TBC1D22A: variants seen among roughly 807,000 people sequenced by gnomAD.
The protein encoded by TBC1D22A is TBC1 domain family member 22A.
In TBC1D22A, 38 loss-of-function variants were observed where a neutral mutation model predicts 60.2. The ratio of observed to expected loss-of-function variants is 0.63; its 90% CI spans 0.49 to 0.83. The LOEUF (loss-of-function observed/expected upper bound fraction) is 0.83, where lower values mean the gene tolerates loss of function less well. Ranked by LOEUF, TBC1D22A falls within the 40% of genes least tolerant of loss-of-function variation. The pLI is 0.00. For synonymous variants in TBC1D22A, 302 were observed against 281.7 expected (o/e 1.07, Z -0.72); for missense variants, 628 against 701.0 (o/e 0.90, Z 1.18).
intron 12 of TBC1D22A, among the ~76,000 whole-genome samples, chr22:47,141,934 C>A (rs138461048): frequency 6.6e-6 from 1 of 152,136 alleles, no homozygotes; most frequent in African/African-American, 2.4e-5. Flanking sequence ...TGGCATGAAA[C>A]GTATTTGGAT....
chr22:46,908,799 C>G (rs1380804298), intron 7 of TBC1D22A, among the ~76,000 whole-genome samples: 1 of 152,166 alleles, frequency 6.6e-6, no homozygotes, highest in Non-Finnish European at 1.5e-5. Context: ...TGTTTGCTAA[C>G]TGAAGGCTTA....
intron 4 of TBC1D22A, among the ~76,000 whole-genome samples, chr22:46,867,097 TC>T (rs1470582960): frequency 6.6e-6 from 1 of 152,214 alleles, no homozygotes; most frequent in Admixed American, 6.5e-5. Flanking sequence ...GCCATGCATT[TC>T]CCCCCAGATG....
chr22:46,818,962 T>C (rs772524148), intron 4 of TBC1D22A, among the ~76,000 whole-genome samples: 7 of 152,208 alleles, frequency 4.6e-5, no homozygotes, highest in Non-Finnish European at 1.0e-4. Flanking sequence ...CCTTGTTAGC[T>C]GTATTCCTTG....
At chr22:47,057,880 G>T (rs919959994) in intron 11 of TBC1D22A, among the ~76,000 whole-genome samples, 1 of 152,208 alleles carries the variant, frequency 6.6e-6, no homozygotes, top group Non-Finnish European at 1.5e-5. Context: ...CCCCATGGGG[G>T]TTTATAAGGT....
chr22:46,762,706 G>T lies in TBC1D22A; in HGVS notation c.-81G>T. 1 of 1,272,114 alleles carries T rather than the reference G, an allele frequency of 7.9e-7. No homozygotes were observed. The highest frequency in any genetic ancestry group is 1.0e-6 in the Non-Finnish European group (1 of 972,468). The allele number at this position is 1,272,114 out of a possible 1,614,324, so 78.8% of individuals were successfully genotyped here. A position where few individuals can be genotyped will look rare whatever the true frequency, so the allele number is the denominator to read the frequency against. The stretch of plus-strand genomic sequence containing the variant: ...CCCGGGAGCAGTGAGGGGCCACCCG[G>T]GGCACAGGAAAGGGCCGCTAGGGGA... On this transcript the variant is annotated 5_prime_UTR_variant, in exon 1 of 13. Transcript: ENST00000337137.
intron 4 of TBC1D22A, among the ~76,000 whole-genome samples, chr22:46,815,805 G>C (rs2085569883): frequency 6.6e-6 from 1 of 152,134 alleles, no homozygotes; most frequent in Non-Finnish European, 1.5e-5. Flanking sequence ...ATGGGTGCCT[G>C]GACCTCCGTG....
At chr22:47,123,911 G>A (rs901880542) in intron 12 of TBC1D22A, among the ~76,000 whole-genome samples, 2 of 152,238 alleles carry the variant, frequency 1.3e-5, no homozygotes, top group African/African-American at 4.8e-5. Context: ...GGTTTGTGTG[G>A]CCATGTGGTA....
intron 4 of TBC1D22A, among the ~76,000 whole-genome samples, chr22:46,853,202 T>C (rs2087377360): frequency 6.6e-6 from 1 of 152,164 alleles, no homozygotes. Context: ...CGGCTCTGCC[T>C]CCCCTCGTCC....
At position 46,974,325 on chromosome 22, in the gene TBC1D22A, G is replaced by A. The variant is rs367573498; in HGVS notation, c.1051G>A (p.Val351Met). ...EEVDTVDVSG[V>M]PAEVLCNIEA... ...GGTGGACACGGTGGACGTCTCCGGCGTGCCCGCAGAGGTGCTGTGCAACAT... is the reference window on the plus strand; with the variant it reads ...GGTGGACACGGTGGACGTCTCCGGCATGCCCGCAGAGGTGCTGTGCAACAT... Residue 351 changes from valine to methionine, a missense_variant, in exon 9 of 13, where the codon GTG (valine) becomes ATG (methionine). Coordinates refer to ENST00000337137, the MANE Select transcript of TBC1D22A (RefSeq NM_014346.5). The A allele has an allele frequency of 1.4e-5, 23 of 1,605,772 alleles. No homozygotes were observed. The highest frequency in any genetic ancestry group is 5.1e-5 in the Admixed American group (3 of 58,972).
At chr22:46,877,266 T>C (rs1178482707) in intron 4 of TBC1D22A, among the ~76,000 whole-genome samples, 1 of 152,260 alleles carries the variant, frequency 6.6e-6, no homozygotes, top group Non-Finnish European at 1.5e-5. Flanking sequence ...GAAAGCTCTC[T>C]TTTAACACCA....
At position 46,984,407 on chromosome 22, in the gene TBC1D22A, G is replaced by C. The variant is rs142636327; in HGVS notation, c.1125+10008G>C. Among the ~76,000 whole-genome samples the C allele has an allele frequency of 5.6e-3, 305 of 54,634 alleles. 1 individual carries two copies. The highest frequency in any genetic ancestry group is 0.015 in the African/African-American group (289 of 18,948). The allele number at this position is 54,634 out of a possible 152,430, so 35.8% of individuals were successfully genotyped here. ...AAAAAAAAAAAAAAAAAAAAAAAAA[G>C]AGAAGTTCCAGGCTGGATGAGGCCC... On this transcript the variant is annotated intron_variant, in intron 9 of 12. Transcript: ENST00000337137.
rs916622492 is a variant in TBC1D22A, at chr22:47,008,556, G to T, written c.1201+10847G>T. Among the ~76,000 whole-genome samples, 3 of 152,370 alleles carry T rather than the reference G, an allele frequency of 2.0e-5. No homozygotes were observed. In the South Asian group the frequency reaches 6.2e-4, roughly 32 times the overall value. ...ATTTGTAAGGCAGCCTCTGTGTCCA[G>T]TGTATCTGCCCACCTGCTGTGCAGA... On this transcript the variant is annotated intron_variant, in intron 10 of 12. Transcript: ENST00000337137.
intron 10 of TBC1D22A, among the ~76,000 whole-genome samples, chr22:47,015,507 T>A (rs2061880034): frequency 6.6e-6 from 1 of 152,260 alleles, no homozygotes; most frequent in Non-Finnish European, 1.5e-5. Flanking sequence ...TGTAATTTTC[T>A]ACTTGATCTT....
At chr22:46,870,481 T>C (rs778663918) in intron 4 of TBC1D22A, among the ~76,000 whole-genome samples, 4 of 152,240 alleles carry the variant, frequency 2.6e-5, no homozygotes, top group Admixed American at 6.5e-5. Context: ...TTTCTACTTA[T>C]GTAAGTTTTT....
chr22:46,785,925 C>G (rs1188853219), intron 1 of TBC1D22A, among the ~76,000 whole-genome samples: 3 of 152,200 alleles, frequency 2.0e-5, no homozygotes, highest in African/African-American at 7.2e-5. Flanking sequence ...GGACCACAGA[C>G]ATGCATCATC....
At chr22:46,960,380 G>C (rs1017553767) in intron 8 of TBC1D22A, among the ~76,000 whole-genome samples, 1 of 152,064 alleles carries the variant, frequency 6.6e-6, no homozygotes, top group Non-Finnish European at 1.5e-5. Flanking sequence ...TTCTGCATCA[G>C]CCTCCTGAGT....
intron 9 of TBC1D22A, among the ~76,000 whole-genome samples, chr22:46,977,063 C>G (rs1278254212): frequency 1.3e-5 from 2 of 152,226 alleles, no homozygotes; most frequent in Non-Finnish European, 2.9e-5. Context: ...TTACACCCAG[C>G]ACACAAGGCT....
chr22:47,033,958 C>G (rs186634723), intron 10 of TBC1D22A, among the ~76,000 whole-genome samples: 1 of 152,162 alleles, frequency 6.6e-6, no homozygotes, highest in East Asian at 1.9e-4. Flanking sequence ...CCTGGCACCC[C>G]CTTTGGTCTC....
chr22:47,043,599 T>A (rs141172549), intron 11 of TBC1D22A, among the ~76,000 whole-genome samples: 2,020 of 152,234 alleles, frequency 0.013, 19 homozygotes, highest in Middle Eastern at 0.034. Flanking sequence ...AGATGGGGTG[T>A]GTTCATCTTT....
Sources: gnomAD v4.1 joint callset for allele counts (sites outside exome capture counted in the v4.1 genomes callset) on GRCh38, gnomAD v4.1.1 for gene constraint, MANE v1.5 for transcripts, NCBI Gene and HGNC (gene_info 2026-07-23, HGNC 2026-07-21) for gene names.